TRRAP: variants seen among roughly 807,000 people sequenced by gnomAD.
The protein encoded by TRRAP is transformation/transcription domain associated protein, also known as transformation/transcription domain-associated protein.
TRRAP carries 41 observed loss-of-function variants against 438.8 expected under a neutral mutation model. That is an observed-to-expected ratio of 0.09 (90% CI 0.07 to 0.12). TRRAP has a LOEUF of 0.12. TRRAP is among the 10% of genes least tolerant of loss of function. The probability of loss-of-function intolerance (pLI) is 1.00; values close to 1 mark genes in which losing one functional copy is unlikely to be tolerated. For missense variants in TRRAP, 3,122 were observed against 5,055.1 expected, an observed-to-expected ratio of 0.62 and a Z score of 11.60; for synonymous variants, 1,994 against 1,962.9, an observed-to-expected ratio of 1.02 and a Z score of -0.42.
chr7:98,967,301 C>G (rs1463491073), intron 50 of TRRAP, 139 bp downstream of exon 50: 2 of 1,340,754 alleles, frequency 1.5e-6, no homozygotes, highest in Middle Eastern at 1.9e-4. Context: ...ATTGTGTGAC[C>G]TACTTTGGTG....
At chr7:98,989,046 C>T in intron 63 of TRRAP, 80 bp downstream of exon 63, 2 of 1,459,004 alleles carry the variant, frequency 1.4e-6, no homozygotes, top group South Asian at 1.2e-5. Flanking sequence ...ATAGTTTACT[C>T]ATCCGTGCCG....
rs1435451545 is a variant in TRRAP, at chr7:98,908,611, T to C, written c.1116-117T>C. 3.5e-6 allele frequency: 3 copies of C among 849,034 alleles called. No individual in the cohort carries two copies. The highest frequency in any genetic ancestry group is 2.7e-5 in the East Asian group (1 of 37,556). 52.6% of individuals were successfully genotyped at this position (849,034 alleles called of 1,614,324 possible). ...AGAGTAATGTGGTGAAAATGGGCCA[T>C]GTAAGTGTGCCGACCCAGGGGTGGT... is the stretch of plus-strand genomic sequence containing the variant. On this transcript the variant is annotated intron_variant, in intron 13 of 72. Transcript: ENST00000456197. The surrounding 1 kb of genome is among the most constrained non-coding windows in gnomAD (Gnocchi z 4.1).
At chr7:98,916,837 G>A (rs1562940070) in intron 19 of TRRAP, among the ~76,000 whole-genome samples, 1 of 152,064 alleles carries the variant, frequency 6.6e-6, no homozygotes, top group Non-Finnish European at 1.5e-5. Flanking sequence ...GCCCCGTGAG[G>A]CCATCCCTGA....
intron 33 of TRRAP, among the ~76,000 whole-genome samples, chr7:98,946,689 T>A (rs1554416994): frequency 6.6e-6 from 1 of 151,968 alleles, no homozygotes; most frequent in Admixed American, 6.6e-5. Flanking sequence ...ATACCACACA[T>A]GCACACACAC....
chr7:98,966,867 G>A (rs899906883), intron 49 of TRRAP, among the ~76,000 whole-genome samples, 174 bp from the exon 50 acceptor site: 1 of 152,134 alleles, frequency 6.6e-6, no homozygotes, highest in Non-Finnish European at 1.5e-5. Context: ...TAGCCCCTAC[G>A]AAAATTACAT....
intron 53 of TRRAP, among the ~76,000 whole-genome samples, chr7:98,972,974 TTTTG>T (rs372660672): frequency 1.1e-4 from 17 of 152,172 alleles, no homozygotes; most frequent in African/African-American, 2.2e-4. Context: ...CAGGCACTTC[TTTTG>T]TTTGTTTGTT....
chr7:98,996,450 C>T (rs1269784919), intron 67 of TRRAP, among the ~76,000 whole-genome samples: 1 of 152,262 alleles, frequency 6.6e-6, no homozygotes, highest in Non-Finnish European at 1.5e-5. Flanking sequence ...AAGCCTTCAT[C>T]TCTCAAGTGT....
In TRRAP at chr7:98,984,970, T is replaced by C. The variant is rs1428125435; in HGVS notation, c.9315T>C (p.Asn3105=). Residue 3105 remains asparagine, a synonymous_variant, in exon 62 of 73, where the codon AAT becomes AAC. Transcript: ENST00000456197. ...GCCTTGAAGTTATTGAATCTACAAA[T>C]TTAAAATACTTCACAAAAGAGATGA... The part of the protein sequence containing the change: ...MQGLEVIEST[N]LKYFTKEMTA... 1 of 1,613,094 alleles carries C rather than the reference T, an allele frequency of 6.2e-7. No individual in the cohort carries two copies. The highest frequency in any genetic ancestry group is 2.2e-5 in the East Asian group (1 of 44,834).
chr7:98,936,849 A>AT (rs1790580232), intron 28 of TRRAP, among the ~76,000 whole-genome samples: 1 of 152,186 alleles, frequency 6.6e-6, no homozygotes, highest in Admixed American at 6.5e-5. Context: ...ATGGAAGACC[A>AT]TGTGTACTTT....
Position 98,948,781 on chromosome 7 carries a change from C to A in TRRAP, c.4788+96C>A. On this transcript the variant is annotated intron_variant, in intron 35 of 72. Transcript: ENST00000456197. This position sits in a 1 kb window ranked among gnomAD's most constrained non-coding sequence, Gnocchi z 4.9. Reference sequence around the variant, plus strand: ...CAGTTCATATTTCACTATTCAGTGTCCTGGCTGCTTTTTTTTCAGATCCAT... The same window carrying A: ...CAGTTCATATTTCACTATTCAGTGTACTGGCTGCTTTTTTTTCAGATCCAT... 6.4e-7 allele frequency: 1 copy of A among 1,568,714 alleles called. No individual in the cohort carries two copies. Among genetic ancestry groups the A allele is most frequent in the Admixed American group, 1.8e-5 (1 of 54,258 alleles).
At chr7:98,953,092 A>G in intron 39 of TRRAP, 75 bp from the exon 40 acceptor site, 6 of 1,528,854 alleles carry the variant, frequency 3.9e-6, no homozygotes, top group East Asian at 2.3e-5. Context: ...TTTAAGGCTT[A>G]AACCTGTCGT....
chr7:98,984,836 C>T, intron 61 of TRRAP, 108 bp from the exon 62 acceptor site: 1 of 620,530 alleles, frequency 1.6e-6, no homozygotes, highest in Non-Finnish European at 2.8e-6. Context: ...ATTTAAAGTA[C>T]ATTGGTCAAT....
chr7:99,008,264 C>A (rs1251628009), intron 69 of TRRAP, 113 bp from the exon 70 acceptor site: 4 of 1,142,396 alleles, frequency 3.5e-6, no homozygotes, highest in Non-Finnish European at 3.8e-6. Flanking sequence ...AGCTAAGCCC[C>A]CAAGGCATAC....
chr7:98,969,822 G>T (rs2116702837), intron 51 of TRRAP, among the ~76,000 whole-genome samples: 1 of 152,318 alleles, frequency 6.6e-6, no homozygotes, highest in South Asian at 2.1e-4. Context: ...GAGGTGGGAG[G>T]TTCCACCCAG....
At chr7:98,900,578 A>T (rs1454511525) in intron 10 of TRRAP, 46 bp from the exon 11 acceptor site, 1 of 1,498,966 alleles carries the variant, frequency 6.7e-7, no homozygotes, top group South Asian at 1.2e-5. Context: ...TAATACTAAC[A>T]TCACTCATAA....
At chr7:99,000,679 G>A (rs572355400) in intron 67 of TRRAP, among the ~76,000 whole-genome samples, 105 of 152,354 alleles carry the variant, frequency 6.9e-4, no homozygotes, top group African/African-American at 2.3e-3. Flanking sequence ...CTGCCCCAGC[G>A]CTGGGATCAG....
intron 3 of TRRAP, among the ~76,000 whole-genome samples, chr7:98,887,561 A>T (rs550117287): frequency 5.3e-5 from 8 of 151,984 alleles, no homozygotes; most frequent in Non-Finnish European, 1.2e-4. Flanking sequence ...GAGTTGGCCC[A>T]GGAGACAGGT....
chr7:98,981,713 T>C, intron 58 of TRRAP, 56 bp from the exon 59 acceptor site: 2 of 1,529,636 alleles, frequency 1.3e-6, no homozygotes, highest in Non-Finnish European at 1.8e-6. Flanking sequence ...GTTTGACACT[T>C]TACACTGAGG....
chr7:98,968,951 G>T (rs575313751), intron 51 of TRRAP, among the ~76,000 whole-genome samples: 1 of 152,222 alleles, frequency 6.6e-6, no homozygotes, highest in East Asian at 1.9e-4. Flanking sequence ...CGACATATTG[G>T]CTGTGGCAGG....
Sources: gnomAD v4.1 joint callset for allele counts (sites outside exome capture counted in the v4.1 genomes callset) on GRCh38, gnomAD v4.1.1 for gene constraint, Gnocchi (gnomAD v3.1) non-coding constraint, MANE v1.5 for transcripts, NCBI Gene and HGNC (gene_info 2026-07-23, HGNC 2026-07-21) for gene names.